WDR59: variants seen among roughly 807,000 people sequenced by gnomAD.
WDR59 encodes WD repeat domain 59, also known as GATOR2 complex protein WDR59.
A neutral mutation model predicts 131.2 loss-of-function variants in WDR59; 100 were observed. The ratio of observed to expected loss-of-function variants is 0.76; its 90% CI spans 0.65 to 0.90. The LOEUF (loss-of-function observed/expected upper bound fraction) is 0.90. Among genes scored for constraint, WDR59 ranks in the 40% least tolerant of loss-of-function variants. The pLI, the probability that WDR59 is intolerant of heterozygous loss-of-function variation, is 0.00. For missense variants in WDR59, 1,203 were observed against 1,262.2 expected, an observed-to-expected ratio of 0.95 and a Z score of 0.71; for synonymous variants, 601 against 466.2, an observed-to-expected ratio of 1.29 and a Z score of -3.72.
intron 14 of WDR59, among the ~76,000 whole-genome samples, chr16:74,910,357 T>A (rs1966028346): frequency 6.6e-6 from 1 of 152,170 alleles, no homozygotes; most frequent in Admixed American, 6.5e-5. Context: ...CAACACAGTG[T>A]AATAATCTAA....
chr16:74,903,953 C>T lies in WDR59; in HGVS notation c.1860G>A (p.Lys620=). Residue 620 remains lysine, a synonymous_variant, in exon 18 of 26, where the codon AAG becomes AAA. Coordinates refer to ENST00000262144, the MANE Select transcript of WDR59 (RefSeq NM_030581.4). ...EQVSISSFYY[K]ERKSRRWKSK... ...CTACGGCTCTGGCACTTACCCGCTC[C>T]TTGTAGTAGAAGGAGCTGATGGAGA... The T allele has an allele frequency of 6.2e-7, 1 of 1,607,622 alleles. No individual in the cohort carries two copies. Among genetic ancestry groups the T allele is most frequent in the African/African-American group, 1.3e-5 (1 of 74,912 alleles).
intron 3 of WDR59, among the ~76,000 whole-genome samples, chr16:74,955,517 G>T (rs971722942): frequency 6.6e-6 from 1 of 152,284 alleles, no homozygotes; most frequent in South Asian, 2.1e-4. Context: ...AGAGTAGAAA[G>T]GCAGGAAGAC....
In WDR59 at chr16:74,874,089, A is replaced by C. The variant is rs1377558204; in HGVS notation, c.*120T>G. On this transcript the variant is annotated 3_prime_UTR_variant, in exon 26 of 26. Coordinates refer to ENST00000262144, the MANE Select transcript of WDR59 (RefSeq NM_030581.4). ...GCTGATGCTGCGCAGTCCTTGGGGG[A>C]TCATCCTCCGGTCTCACTGGGGACG... 1.4e-5 allele frequency: 11 copies of C among 811,944 alleles called. No homozygotes were observed. In the East Asian group the frequency reaches 2.9e-4, roughly 22 times the overall value. The allele number at this position is 811,944 out of a possible 1,614,324, so 50.3% of individuals were successfully genotyped here.
chr16:74,916,058 G>T (rs1431144912), intron 12 of WDR59, 64 bp from the exon 13 acceptor site: 4 of 1,613,934 alleles, frequency 2.5e-6, no homozygotes, highest in Non-Finnish European at 3.4e-6. Flanking sequence ...GAACAGGTCT[G>T]GGGTATCTGC....
rs778568261 is a variant in WDR59 at position 74,903,951 on chromosome 16, T to C, written c.1862A>G (p.Glu621Gly). The C allele has an allele frequency of 6.2e-7, 1 of 1,607,212 alleles. No individual in the cohort carries two copies. Among genetic ancestry groups the C allele is most frequent in the African/African-American group, 1.3e-5 (1 of 74,802 alleles). ...QVSISSFYYK[E>G]RKSRRWKSKR... Reference sequence around the variant, plus strand: ...GGCTACGGCTCTGGCACTTACCCGCTCCTTGTAGTAGAAGGAGCTGATGGA... The same window carrying C: ...GGCTACGGCTCTGGCACTTACCCGCCCCTTGTAGTAGAAGGAGCTGATGGA... The change falls in exon 18 of 26, where the codon GAG (glutamate) becomes GGG (glycine). Residue 621 changes from glutamate to glycine, a missense_variant. Physicochemically the swap from Glu to Gly is moderately conservative, Grantham distance 98. Transcript: ENST00000262144.
chr16:74,934,073 C>T (rs1294693806), intron 8 of WDR59, among the ~76,000 whole-genome samples: 1 of 149,264 alleles, frequency 6.7e-6, no homozygotes, highest in Non-Finnish European at 1.5e-5. Context: ...ATTAGATATG[C>T]TTGTCATTCT....
At chr16:74,949,962 T>C (rs749212849) in intron 4 of WDR59, 164 bp from the exon 5 acceptor site, 1 of 712,186 alleles carries the variant, frequency 1.4e-6, no homozygotes, top group Non-Finnish European at 2.5e-6. Flanking sequence ...GGAACGAACA[T>C]GAGTTTGGAA....
At chr16:74,923,477 TA>T (rs2030460895) in intron 9 of WDR59, among the ~76,000 whole-genome samples, 1 of 152,182 alleles carries the variant, frequency 6.6e-6, no homozygotes, top group African/African-American at 2.4e-5. Flanking sequence ...AAATTTATTT[TA>T]TTTTTTTATT....
intron 10 of WDR59, among the ~76,000 whole-genome samples, chr16:74,919,582 A>G (rs893224588): frequency 1.3e-5 from 2 of 151,934 alleles, no homozygotes; most frequent in East Asian, 1.9e-4. Context: ...GCCTCAAGTG[A>G]TCAACCTGCC....
Position 74,886,315 on chromosome 16 carries a change from C to T in WDR59, c.2501G>A (p.Ser834Asn), listed in dbSNP as rs141982165. ...GTCGCGTTCTCGCTCACGGGGATCACTGTAGGTCAGACTCCCAAAGCGGAG... is the reference window on the plus strand; with the variant it reads ...GTCGCGTTCTCGCTCACGGGGATCATTGTAGGTCAGACTCCCAAAGCGGAG... ...EELRFGSLTYSDPRERERDQH... is the reference protein window; with the variant it reads ...EELRFGSLTYNDPRERERDQH... Residue 834 changes from serine to asparagine, a missense_variant, in exon 24 of 26, where the codon AGT becomes AAT. Coordinates refer to ENST00000262144, the MANE Select transcript of WDR59 (RefSeq NM_030581.4). 1.2e-6 allele frequency: 2 copies of T among 1,613,904 alleles called. No individual in the cohort carries two copies. Among genetic ancestry groups the T allele is most frequent in the African/African-American group, 1.3e-5 (1 of 74,896 alleles).
chr16:74,972,112 G>T (rs958226015), intron 1 of WDR59, among the ~76,000 whole-genome samples: 1 of 152,170 alleles, frequency 6.6e-6, no homozygotes, highest in Non-Finnish European at 1.5e-5. Flanking sequence ...AAACAGAAGA[G>T]AATGAAGTTC....
At chr16:74,898,117 CAA>C (rs1420964862) in intron 18 of WDR59, among the ~76,000 whole-genome samples, 1 of 152,180 alleles carries the variant, frequency 6.6e-6, no homozygotes, top group Non-Finnish European at 1.5e-5. Context: ...ATCTTGCTGG[CAA>C]TGTTTGGAGT....
intron 6 of WDR59, among the ~76,000 whole-genome samples, chr16:74,945,431 CAT>C (rs2032550316): frequency 2.6e-5 from 4 of 151,764 alleles, no homozygotes; most frequent in Non-Finnish European, 5.9e-5. Flanking sequence ...GAGCTGAGAT[CAT>C]GCCACTGCAC....
In WDR59 at chr16:74,948,501, G is replaced by A. The variant is rs750651288; in HGVS notation, c.445+18C>T. 6.2e-6 allele frequency: 10 copies of A among 1,610,444 alleles called. No homozygotes were observed. The highest frequency in any genetic ancestry group is 7.6e-6 in the Non-Finnish European group (9 of 1,176,864). On this transcript the variant is annotated intron_variant, in intron 6 of 25. Coordinates refer to ENST00000262144, the MANE Select transcript of WDR59 (RefSeq NM_030581.4). ...CAAACCAAGGCGCCAGGGTGAGGTG[G>A]GAGAAGCATACACTCACCAACAGCA...
intron 1 of WDR59, among the ~76,000 whole-genome samples, chr16:74,978,036 C>A (rs1196022638): frequency 2.0e-5 from 3 of 151,646 alleles, no homozygotes; most frequent in African/African-American, 4.8e-5. Flanking sequence ...CAGCCAGATT[C>A]CACCCCCACA....
chr16:74,914,126 C>T (rs769514060), intron 13 of WDR59, among the ~76,000 whole-genome samples: 60 of 152,182 alleles, frequency 3.9e-4, no homozygotes, highest in Middle Eastern at 3.4e-3. Flanking sequence ...GCAGGAGAAT[C>T]GCGTGAACCC....
At position 74,953,049 on chromosome 16, in the gene WDR59, C is replaced by T. The variant is rs145261387; in HGVS notation, c.241-1506G>A. On this transcript the variant is annotated intron_variant, in intron 3 of 25. Transcript: ENST00000262144. The stretch of plus-strand genomic sequence containing the variant: ...TGACCTCTCCCAGCACACGACACAG[C>T]GGGTATCATCACCCACATTATAGAT... 1.5e-3 allele frequency among the ~76,000 whole-genome samples: 235 copies of T among 152,190 alleles called. 1 individual carries two copies. The highest frequency in any genetic ancestry group is 5.5e-3 in the African/African-American group (228 of 41,534).
intron 3 of WDR59, among the ~76,000 whole-genome samples, chr16:74,951,846 G>A (rs1462926423): frequency 1.3e-5 from 2 of 151,996 alleles, no homozygotes; most frequent in African/African-American, 2.4e-5. Flanking sequence ...GAGCTTCATG[G>A]GCCAGGAAAA....
chr16:74,975,260 C>G (rs1023591603), intron 1 of WDR59, among the ~76,000 whole-genome samples: 1 of 152,094 alleles, frequency 6.6e-6, no homozygotes, highest in Non-Finnish European at 1.5e-5. Context: ...ACTCGGGAGG[C>G]TGAGACAGGA....
Sources: allele counts gnomAD v4.1 joint callset (sites outside exome capture counted in the v4.1 genomes callset), GRCh38; gene constraint gnomAD v4.1.1; transcripts MANE v1.5; gene names NCBI Gene and HGNC (gene_info 2026-07-23, HGNC 2026-07-21).